ANK3: variants seen among roughly 807,000 people sequenced by gnomAD.
ANK3 encodes the protein ankyrin-3.
In ANK3, 57 loss-of-function variants were observed where a neutral mutation model predicts 370.9. That is an observed-to-expected ratio of 0.15 (90% CI 0.12 to 0.19). The LOEUF (loss-of-function observed/expected upper bound fraction) is 0.19, where lower values mean the gene tolerates loss of function less well. Ranked by LOEUF, ANK3 falls within the 10% of genes least tolerant of loss-of-function variation. ANK3 has a pLI of 1.00. For missense variants in ANK3, 4,439 were observed against 5,302.1 expected, an observed-to-expected ratio of 0.84 and a Z score of 5.06; for synonymous variants, 1,929 against 1,946.3, an observed-to-expected ratio of 0.99 and a Z score of 0.23.
rs1050765249 is a variant in ANK3 at position 60,029,767 on chromosome 10, T to C, written c.*79A>G. ...ACACACACACTTCTCGGTGAATTTT[T>C]ACTTCCTGCTGACATTTCTTCCACG... On this transcript the variant is annotated 3_prime_UTR_variant, in exon 44 of 44. Coordinates refer to ENST00000280772, the MANE Select transcript of ANK3 (RefSeq NM_020987.5). The C allele has an allele frequency of 6.6e-6, 1 of 152,438 alleles. No individual in the cohort carries two copies. The highest frequency in any genetic ancestry group is 2.4e-5 in the African/African-American group (1 of 41,380). The allele number at this position is 152,438 out of a possible 1,614,324, so 9.4% of individuals were successfully genotyped here. A position where few individuals can be genotyped will look rare whatever the true frequency, so the allele number is the denominator to read the frequency against.
At chr10:60,094,493 C>A (rs1027469361) in intron 28 of ANK3, among the ~76,000 whole-genome samples, 9 of 152,084 alleles carry the variant, frequency 5.9e-5, no homozygotes, top group African/African-American at 2.2e-4. Flanking sequence ...CACGCCCAGC[C>A]TCTCTGGTTT....
chr10:60,584,299 C>A (rs565443108), intron 2 of ANK3, among the ~76,000 whole-genome samples: 1 of 152,214 alleles, frequency 6.6e-6, no homozygotes, highest in South Asian at 2.1e-4. Context: ...ATCAAAATGT[C>A]CTTAGCATTT....
At chr10:60,599,849 C>T (rs749073625) in intron 2 of ANK3, among the ~76,000 whole-genome samples, 8 of 152,166 alleles carry the variant, frequency 5.3e-5, no homozygotes, top group Non-Finnish European at 1.0e-4. Flanking sequence ...AAGGCCCTGC[C>T]TTCCTCTGTA....
intron 2 of ANK3, among the ~76,000 whole-genome samples, chr10:60,520,465 G>A (rs896753365): frequency 5.3e-5 from 8 of 151,954 alleles, no homozygotes; most frequent in East Asian, 1.9e-4. Context: ...GACCATCTCC[G>A]TTCCATTCCA....
At chr10:60,147,985 T>C (rs375960579) in intron 23 of ANK3, among the ~76,000 whole-genome samples, 7 of 152,178 alleles carry the variant, frequency 4.6e-5, no homozygotes, top group East Asian at 1.9e-4. Context: ...TAAATAAGCA[T>C]TGGGTAAACT....
intron 36 of ANK3, among the ~76,000 whole-genome samples, chr10:60,076,977 A>G (rs916800888): frequency 2.0e-5 from 3 of 152,224 alleles, no homozygotes; most frequent in Non-Finnish European, 2.9e-5. Flanking sequence ...AACCATTTCA[A>G]TATATGTAGC....
intron 40 of ANK3, among the ~76,000 whole-genome samples, chr10:60,061,418 C>T (rs1589412886): frequency 6.6e-6 from 1 of 152,190 alleles, no homozygotes; most frequent in East Asian, 1.9e-4. Flanking sequence ...GCTTTCAACA[C>T]AACTACTTCT....
At chr10:60,156,181 A>G (rs959597312) in intron 23 of ANK3, among the ~76,000 whole-genome samples, 1 of 152,056 alleles carries the variant, frequency 6.6e-6, no homozygotes, top group Non-Finnish European at 1.5e-5. Context: ...CAGGCAGTGC[A>G]GCTCAGGGAC....
chr10:60,134,123 A>AT (rs3217306), intron 25 of ANK3, 148 bp downstream of exon 25: 277,636 of 588,516 alleles, frequency 0.47, 62,597 homozygotes, highest in African/African-American at 0.63. Context: ...AGTACAACTT[A>AT]TTTTTTTTTA....
At chr10:60,502,484 G>T (rs55672059) in intron 2 of ANK3, among the ~76,000 whole-genome samples, 15,347 of 152,178 alleles carry the variant, frequency 0.1, 863 homozygotes, top group South Asian at 0.18. Context: ...GCTCAATGAC[G>T]TATCTATGTA....
At chr10:60,426,896 T>G (rs1329475077) in intron 2 of ANK3, among the ~76,000 whole-genome samples, 4 of 152,126 alleles carry the variant, frequency 2.6e-5, no homozygotes, top group Non-Finnish European at 5.9e-5. Flanking sequence ...AGGAAGAGGC[T>G]GAAATTTAAG....
chr10:60,334,867 A>T (rs949673313), intron 1 of ANK3, among the ~76,000 whole-genome samples: 23 of 152,120 alleles, frequency 1.5e-4, no homozygotes, highest in African/African-American at 5.3e-4. Flanking sequence ...AGATTCATGA[A>T]CCTCAAACAA....
intron 1 of ANK3, among the ~76,000 whole-genome samples, chr10:60,626,125 A>T (rs1021033530): frequency 2.6e-5 from 4 of 152,222 alleles, no homozygotes; most frequent in Non-Finnish European, 5.9e-5. Context: ...GGCATAGAAC[A>T]AAACAGGGCT....
rs1201229169 is a variant in ANK3 at position 60,226,526 on chromosome 10, TA to T, written c.897+8161del. On this transcript the variant is annotated intron_variant, in intron 8 of 43. Transcript: ENST00000280772. Reference sequence around the variant, plus strand: ...GTATATATACATAGTATATATACTATAGTATATATACATAGTATATATACTA... The same window carrying T: ...GTATATATACATAGTATATATACTATGTATATATACATAGTATATATACTA... Among the ~76,000 whole-genome samples the T allele has an allele frequency of 2.6e-3, 230 of 88,164 alleles. 3 individuals carry two copies. Among genetic ancestry groups the T allele is most frequent in the African/African-American group, 7.0e-3 (104 of 14,874 alleles). 57.8% of individuals were successfully genotyped at this position (88,164 alleles called of 152,430 possible). A position where few individuals can be genotyped will look rare whatever the true frequency, so the allele number is the denominator to read the frequency against.
chr10:60,733,366 C>CT (rs1199257551), exon 1 of ANK3: 1 of 1,227,156 alleles, frequency 8.1e-7, no homozygotes, highest in Non-Finnish European at 1.0e-6. Context: ...CCAGTCTCTC[C>CT]TCCCCGTCCC....
At chr10:60,606,242 C>T (rs185350974) in intron 2 of ANK3, among the ~76,000 whole-genome samples, 1,854 of 152,062 alleles carry the variant, frequency 0.012, 19 homozygotes, top group Middle Eastern at 0.02. Flanking sequence ...AAATAATAAA[C>T]ACAGTTATAA....
intron 18 of ANK3, among the ~76,000 whole-genome samples, chr10:60,177,593 C>CTTTTTTTTTTTTTTTTTTT (rs771714886): frequency 1.1e-4 from 12 of 106,286 alleles, no homozygotes; most frequent in Non-Finnish European, 1.4e-4. Context: ...GTCTTCAAAT[C>CTTTTTTTTTTTTTTTTTTT]TTTTTTTTTT....
intron 18 of ANK3, 39 bp from the exon 19 acceptor site, chr10:60,173,225 T>C (rs771753470): frequency 6.8e-7 from 1 of 1,478,406 alleles, no homozygotes; most frequent in East Asian, 2.4e-5. Flanking sequence ...GCATCATAAT[T>C]ACACTTTTAC....
chr10:60,063,334 C>G (rs922923447), intron 39 of ANK3, 80 bp from the exon 40 acceptor site: 6 of 1,412,824 alleles, frequency 4.2e-6, no homozygotes, highest in Non-Finnish European at 4.7e-6. Context: ...AAAGGCATGG[C>G]TTTTGCAGCC....
Sources: gnomAD v4.1 joint callset for allele counts (sites outside exome capture counted in the v4.1 genomes callset) on GRCh38, gnomAD v4.1.1 for gene constraint, MANE v1.5 for transcripts, NCBI Gene and HGNC (gene_info 2026-07-23, HGNC 2026-07-21) for gene names.